Variants in PPP1R9A observed in about 807,000 individuals in gnomAD.
The protein encoded by PPP1R9A is protein phosphatase 1 regulatory subunit 9A, also known as neurabin-1.
Under a neutral mutation model 141.9 loss-of-function variants are expected in PPP1R9A, and 59 were observed. That is an observed-to-expected ratio of 0.42 (90% CI 0.34 to 0.52). The LOEUF (loss-of-function observed/expected upper bound fraction) is 0.52, where lower values mean the gene tolerates loss of function less well. Among genes scored for constraint, PPP1R9A ranks in the 20% least tolerant of loss-of-function variants. The probability of loss-of-function intolerance (pLI) is 0.10; values close to 1 mark genes in which losing one functional copy is unlikely to be tolerated. For synonymous variants in PPP1R9A, 500 were observed against 569.7 expected (o/e 0.88, Z 1.74); for missense variants, 1,444 against 1,611.9 (o/e 0.90, Z 1.78).
chr7:95,204,703 C>CCA (rs899286241), intron 7 of PPP1R9A, among the ~76,000 whole-genome samples: 7 of 139,646 alleles, frequency 5.0e-5, no homozygotes, highest in East Asian at 4.4e-4. Context: ...CCCACACACA[C>CCA]CACACACACA....
At chr7:95,009,907 A>G (rs1231573305) in intron 2 of PPP1R9A, among the ~76,000 whole-genome samples, 1 of 152,144 alleles carries the variant, frequency 6.6e-6, no homozygotes, top group African/African-American at 2.4e-5. Flanking sequence ...TGTAGGCTTG[A>G]GCAGCAGCAA....
At chr7:95,083,007 G>GGCCTCCCA (rs1182738358) in intron 2 of PPP1R9A, among the ~76,000 whole-genome samples, 1 of 151,572 alleles carries the variant, frequency 6.6e-6, no homozygotes, top group East Asian at 1.9e-4. Context: ...CGCCCACCTC[G>GGCCTCCCA]GCCTCCCAAA....
At chr7:95,028,143 A>G (rs549745709) in intron 2 of PPP1R9A, among the ~76,000 whole-genome samples, 1 of 152,308 alleles carries the variant, frequency 6.6e-6, no homozygotes, top group South Asian at 2.1e-4. Flanking sequence ...ATTATGGATA[A>G]ATGAGTCTTT....
chr7:94,907,999 C>T (rs1462096718), intron 1 of PPP1R9A: 1 of 148,984 alleles, frequency 6.7e-6, no homozygotes, highest in Non-Finnish European at 1.5e-5. Flanking sequence ...CGCGCTGCGC[C>T]GTGAGGAGCG....
chr7:94,969,838 C>G (rs902668024), intron 2 of PPP1R9A, among the ~76,000 whole-genome samples: 1 of 152,144 alleles, frequency 6.6e-6, no homozygotes, highest in Non-Finnish European at 1.5e-5. Context: ...TTTGGAGATG[C>G]CCTGCCCAGA....
chr7:95,229,809 C>A (rs1255541610), intron 8 of PPP1R9A, among the ~76,000 whole-genome samples: 1 of 152,132 alleles, frequency 6.6e-6, no homozygotes, highest in Non-Finnish European at 1.5e-5. Context: ...TATAGGACCC[C>A]AGCTCATGTG....
intron 5 of PPP1R9A, among the ~76,000 whole-genome samples, chr7:95,173,004 C>T (rs1194538596): frequency 2.0e-5 from 3 of 151,652 alleles, no homozygotes; most frequent in Non-Finnish European, 3.0e-5. Context: ...TAAATAGTCT[C>T]ATTGAAAACA....
chr7:94,979,203 C>T (rs1799808898), intron 2 of PPP1R9A, among the ~76,000 whole-genome samples: 1 of 152,186 alleles, frequency 6.6e-6, no homozygotes, highest in Non-Finnish European at 1.5e-5. Context: ...TTAGAGTTTA[C>T]TTGTTTGAGC....
At chr7:95,025,279 C>G (rs900575872) in intron 2 of PPP1R9A, among the ~76,000 whole-genome samples, 3 of 152,094 alleles carry the variant, frequency 2.0e-5, no homozygotes, top group Non-Finnish European at 2.9e-5. Context: ...GTTGGCCAGG[C>G]TGTTCTTGAA....
At chr7:95,034,459 C>T (rs541836089) in intron 2 of PPP1R9A, among the ~76,000 whole-genome samples, 2 of 152,220 alleles carry the variant, frequency 1.3e-5, no homozygotes, top group African/African-American at 2.4e-5. Flanking sequence ...ACCTCTGCCT[C>T]CCAGGTTCAG....
intron 5 of PPP1R9A, among the ~76,000 whole-genome samples, chr7:95,171,672 A>C (rs1192498719): frequency 6.6e-6 from 1 of 151,670 alleles, no homozygotes; most frequent in African/African-American, 2.4e-5. Context: ...TGTATACATG[A>C]AGATGAGTTT....
intron 2 of PPP1R9A, among the ~76,000 whole-genome samples, chr7:95,088,880 T>C (rs960037945): frequency 1.2e-4 from 18 of 152,022 alleles, no homozygotes; most frequent in African/African-American, 4.4e-4. Flanking sequence ...GCAGTGATAA[T>C]TTGCTACTCT....
In PPP1R9A at chr7:94,910,434, A is replaced by G. The variant is rs1308091848; in HGVS notation, c.321A>G (p.Glu107=). The G allele has an allele frequency of 6.2e-7, 1 of 1,614,222 alleles. No homozygotes were observed. The highest frequency in any genetic ancestry group is 8.5e-7 in the Non-Finnish European group (1 of 1,180,040). The change falls in exon 2 of 20, where the codon GAA becomes GAG. Residue 107 remains glutamate (E), a synonymous_variant. Coordinates refer to ENST00000433360, the MANE Select transcript of PPP1R9A (RefSeq NM_001166160.2). This position sits in a 1 kb window ranked among gnomAD's most constrained non-coding sequence, Gnocchi z 4.5. ...QRRMKPKEFL[E]KTDGSVVKLE... is the part of the protein sequence containing the mutation. Reference sequence around the variant, plus strand: ...GAATGAAGCCCAAAGAATTTCTGGAAAAAACAGATGGCTCAGTTGTTAAGT... The same window carrying G: ...GAATGAAGCCCAAAGAATTTCTGGAGAAAACAGATGGCTCAGTTGTTAAGT...
chr7:94,926,489 C>G (rs1584246000), intron 2 of PPP1R9A, among the ~76,000 whole-genome samples: 1 of 152,132 alleles, frequency 6.6e-6, no homozygotes, highest in Non-Finnish European at 1.5e-5. Context: ...TGTAAAGCTA[C>G]TTATTTAGAG....
chr7:95,268,129 C>G (rs1801591453), intron 12 of PPP1R9A, among the ~76,000 whole-genome samples: 1 of 152,114 alleles, frequency 6.6e-6, no homozygotes, highest in Admixed American at 6.6e-5. Context: ...CTTCTGTTGC[C>G]TGTAGTTGAA....
intron 2 of PPP1R9A, among the ~76,000 whole-genome samples, chr7:95,048,731 G>A (rs1005401368): frequency 2.6e-5 from 4 of 151,904 alleles, no homozygotes; most frequent in African/African-American, 9.7e-5. Flanking sequence ...TTTTTTAGTA[G>A]AAACGGGGTT....
chr7:94,936,258 A>T (rs1211213313), intron 2 of PPP1R9A, among the ~76,000 whole-genome samples: 1 of 152,114 alleles, frequency 6.6e-6, no homozygotes, highest in Non-Finnish European at 1.5e-5. Flanking sequence ...CTCTAAATTG[A>T]AAAGGTTCTA....
chr7:94,946,893 A>C (rs982827808), intron 2 of PPP1R9A, among the ~76,000 whole-genome samples: 9 of 152,062 alleles, frequency 5.9e-5, no homozygotes, highest in Non-Finnish European at 1.0e-4. Flanking sequence ...TTTTTGGCTC[A>C]TTTTTTGTAT....
Position 95,198,449 on chromosome 7 carries a change from C to A in PPP1R9A, c.1855C>A (p.Gln619Lys), listed in dbSNP as rs1563401011. The A allele has an allele frequency of 1.2e-6, 2 of 1,611,368 alleles. No individual in the cohort carries two copies. The highest frequency in any genetic ancestry group is 1.7e-6 in the Non-Finnish European group (2 of 1,179,144). Reference protein sequence around the residue: ...QERRQRELLEQHYAQYDADDD... With the variant: ...QERRQRELLEKHYAQYDADDD... The stretch of plus-strand genomic sequence containing the variant: ...GAGGCGCCAGAGAGAGCTGCTGGAA[C>A]AGCACTATGCCCAGTATGATGCCGA... Residue 619 changes from glutamine to lysine, a missense_variant, in exon 6 of 20, where the codon CAG becomes AAG. Coordinates refer to ENST00000433360, the MANE Select transcript of PPP1R9A (RefSeq NM_001166160.2).
Sources: gnomAD v4.1 joint callset for allele counts (sites outside exome capture counted in the v4.1 genomes callset) on GRCh38, gnomAD v4.1.1 for gene constraint, Gnocchi (gnomAD v3.1) non-coding constraint, MANE v1.5 for transcripts, NCBI Gene and HGNC (gene_info 2026-07-23, HGNC 2026-07-21) for gene names.